Variants in TASOR2 observed in about 807,000 individuals in gnomAD.
TASOR2 encodes protein TASOR 2.
In TASOR2, 84 loss-of-function variants were observed where a neutral mutation model predicts 199.5. The ratio of observed to expected loss-of-function variants is 0.42; its 90% CI spans 0.35 to 0.50. The LOEUF (loss-of-function observed/expected upper bound fraction) is 0.50, where lower values mean the gene tolerates loss of function less well. Among genes scored for constraint, TASOR2 ranks in the 20% least tolerant of loss-of-function variants. The pLI, the probability that TASOR2 is intolerant of heterozygous loss-of-function variation, is 0.02. For missense variants in TASOR2, 2,796 were observed against 2,835.9 expected (o/e 0.99, Z 0.32); for synonymous variants, 1,103 against 1,046.6 (o/e 1.05, Z -1.04).
At chr10:5,763,164 A>T in exon 21 of TASOR2, 1 of 874,088 alleles carries the variant, frequency 1.1e-6, no homozygotes. Flanking sequence ...TACAACTTGG[A>T]AAGTTTTCAT....
At chr10:5,709,340 A>G (rs1193131680) in intron 1 of TASOR2, among the ~76,000 whole-genome samples, 4 of 152,192 alleles carry the variant, frequency 2.6e-5, no homozygotes, top group Non-Finnish European at 5.9e-5. Flanking sequence ...TGGAGGAAAA[A>G]CATTTCAGAT....
At chr10:5,693,537 G>T (rs1836755028) in intron 1 of TASOR2, among the ~76,000 whole-genome samples, 1 of 152,074 alleles carries the variant, frequency 6.6e-6, no homozygotes, top group African/African-American at 2.4e-5. Context: ...TTGACTTACG[G>T]GAAATGCTAT....
At chr10:5,713,275 G>T in intron 2 of TASOR2, among the ~76,000 whole-genome samples, 1 of 151,966 alleles carries the variant, frequency 6.6e-6, no homozygotes, top group East Asian at 1.9e-4. Flanking sequence ...AATTTTTCTG[G>T]TTTAAGTTAT....
At position 5,690,991 on chromosome 10, in the gene TASOR2, G is replaced by C. The variant is rs539688226; in HGVS notation, c.-288+5816G>C. Among the ~76,000 whole-genome samples, 4 of 152,156 alleles carry C rather than the reference G, an allele frequency of 2.6e-5. No individual in the cohort carries two copies. The highest frequency in any genetic ancestry group is 4.1e-4 in the South Asian group (2 of 4,820). On this transcript the variant is annotated intron_variant, in intron 1 of 20. Coordinates refer to ENST00000328090, the Ensembl canonical transcript of TASOR2. This position sits in a 1 kb window ranked among gnomAD's most constrained non-coding sequence, Gnocchi z 4.8. ...GTGGATCACAAGGTCAGGAGATCGA[G>C]ACCATCCTGGCCAACATGGTGAAAC...
chr10:5,753,649 TCC>T (rs1182052655), intron 15 of TASOR2, among the ~76,000 whole-genome samples: 1 of 152,140 alleles, frequency 6.6e-6, no homozygotes, highest in African/African-American at 2.4e-5. Flanking sequence ...CATGAGCCAC[TCC>T]GCCCAGCCTG....
rs566972560 is a variant in TASOR2, at chr10:5,685,811, T to G, written c.-288+636T>G. ...TCTCAAGTTTCTCTTAGTCGCTTCT[T>G]GTCTATTTGAAATCTGTAACTTTAA... On this transcript the variant is annotated intron_variant, in intron 1 of 20. Transcript: ENST00000328090. The surrounding 1 kb of genome is among the most constrained non-coding windows in gnomAD (Gnocchi z 5.4). 3.9e-4 allele frequency among the ~76,000 whole-genome samples: 59 copies of G among 152,368 alleles called. No homozygotes were observed. Among genetic ancestry groups the G allele is most frequent in the African/African-American group, 1.3e-3 (53 of 41,588 alleles).
chr10:5,734,578 C>T (rs1835290722), intron 11 of TASOR2, among the ~76,000 whole-genome samples: 1 of 152,136 alleles, frequency 6.6e-6, no homozygotes, highest in South Asian at 2.1e-4. Flanking sequence ...CTCTTCTCTG[C>T]AGTGTGGTTA....
chr10:5,708,220 A>G (rs906573596), intron 1 of TASOR2, among the ~76,000 whole-genome samples: 1 of 151,842 alleles, frequency 6.6e-6, no homozygotes, highest in Non-Finnish European at 1.5e-5. Flanking sequence ...TTAATCAGTC[A>G]TATTAAACTA....
At chr10:5,761,469 C>T (rs1839820571) in exon 19 of TASOR2, 1 of 1,610,168 alleles carries the variant, frequency 6.2e-7, no homozygotes, top group African/African-American at 1.3e-5. Flanking sequence ...GTCCTCCTAA[C>T]AGGTAATTCA....
chr10:5,731,063 T>C lies in TASOR2; in HGVS notation c.1064T>C (p.Met355Thr), dbSNP rs184085907. ...GTGCAGCCTAAGAGGAAGGCCAGCA[T>C]GCCCCACATGGTGCAGAGTAAAAAG... The change falls in exon 11 of 21, where the codon ATG becomes ACG. Residue 355 changes from methionine (M) to threonine (T), a missense_variant. Coordinates refer to ENST00000328090, the Ensembl canonical transcript of TASOR2. 1.9e-4 allele frequency: 304 copies of C among 1,614,110 alleles called. No homozygotes were observed. Among genetic ancestry groups the C allele is most frequent in the Non-Finnish European group, 1.6e-4 (193 of 1,180,034 alleles).
At chr10:5,728,788 C>T (rs955082651) in intron 10 of TASOR2, among the ~76,000 whole-genome samples, 10 of 152,090 alleles carry the variant, frequency 6.6e-5, no homozygotes, top group Non-Finnish European at 1.3e-4. Flanking sequence ...AAGTAATGGA[C>T]TTAGCAATCC....
Position 5,720,653 on chromosome 10 carries a change from C to T in TASOR2, c.11C>T (p.Pro4Leu), listed in dbSNP as rs1224468385. ...AGGGAATCTAAAACTATGGCACCAC[C>T]AGCTCATAAAAGCATGTAAGTAATT... The change falls in exon 4 of 21, where the codon CCA becomes CTA. Residue 4 changes from proline to leucine, a missense_variant. Physicochemically the swap from Pro to Leu is moderately conservative, Grantham distance 98. Transcript: ENST00000328090. The surrounding 1 kb of genome is among the most constrained non-coding windows in gnomAD (Gnocchi z 5.3). 15 of 1,614,032 alleles carry T rather than the reference C, an allele frequency of 9.3e-6. No homozygotes were observed. Among genetic ancestry groups the T allele is most frequent in the Non-Finnish European group, 1.3e-5 (15 of 1,179,994 alleles).
intron 1 of TASOR2, among the ~76,000 whole-genome samples, chr10:5,703,187 T>C (rs1010734156): frequency 6.6e-6 from 1 of 152,168 alleles, no homozygotes; most frequent in Non-Finnish European, 1.5e-5. Flanking sequence ...AATAATTAAC[T>C]AGAAGATCAT....
At chr10:5,761,393 A>G in exon 19 of TASOR2, 3 of 1,614,036 alleles carry the variant, frequency 1.9e-6, no homozygotes, top group Non-Finnish European at 2.5e-6. Flanking sequence ...TCGATCATCA[A>G]CAAAAGCAGA....
exon 15 of TASOR2, chr10:5,749,807 T>C: frequency 1.9e-6 from 3 of 1,614,102 alleles, no homozygotes; most frequent in Non-Finnish European, 1.7e-6. Flanking sequence ...AACCAATTCA[T>C]TTTCCAAGAC....
Position 5,737,671 on chromosome 10 carries a change from A to G in TASOR2, c.1448-1947A>G, listed in dbSNP as rs1157884159. ...TTGAGAACATTCTATAATTTAATTC[A>G]TACTGTTTTCAATTCATCTGACATG... On this transcript the variant is annotated intron_variant, in intron 12 of 20. Transcript: ENST00000328090. The surrounding 1 kb of genome is among the most constrained non-coding windows in gnomAD (Gnocchi z 4.9). Among the ~76,000 whole-genome samples the G allele has an allele frequency of 3.3e-5, 5 of 152,160 alleles. No individual in the cohort carries two copies. The highest frequency in any genetic ancestry group is 7.3e-5 in the Non-Finnish European group (5 of 68,028).
intron 11 of TASOR2, 35 bp from the exon 13 acceptor site, chr10:5,735,269 T>C (rs763803125): frequency 3.7e-6 from 6 of 1,600,452 alleles, no homozygotes; most frequent in Non-Finnish European, 5.1e-6. Context: ...TCTGGGCCCC[T>C]ACCCCTTACA....
intron 11 of TASOR2, among the ~76,000 whole-genome samples, chr10:5,732,380 A>G (rs906087816): frequency 1.3e-5 from 2 of 152,264 alleles, no homozygotes; most frequent in African/African-American, 4.8e-5. Flanking sequence ...GACAGAAGCC[A>G]CATGACCTTC....
At chr10:5,721,212 G>A (rs1022273906) in intron 6 of TASOR2, among the ~76,000 whole-genome samples, 1 of 152,068 alleles carries the variant, frequency 6.6e-6, no homozygotes, top group Non-Finnish European at 1.5e-5. Flanking sequence ...CTAGAAATTT[G>A]ACCTTCCCCA....
Sources: gnomAD v4.1 joint callset for allele counts (sites outside exome capture counted in the v4.1 genomes callset) on GRCh38, gnomAD v4.1.1 for gene constraint, Gnocchi (gnomAD v3.1) non-coding constraint, MANE v1.5 for transcripts, NCBI Gene and HGNC (gene_info 2026-07-23, HGNC 2026-07-21) for gene names.